The following CCSER1 variants were observed in gnomAD, a reference collection of about 807,000 sequenced individuals.
CCSER1 encodes the protein coiled-coil serine rich protein 1, also known as serine-rich coiled-coil domain-containing protein 1.
CCSER1 carries 41 observed loss-of-function variants against 82.0 expected under a neutral mutation model. That is an observed-to-expected ratio of 0.50 (90% CI 0.39 to 0.65). The LOEUF is 0.65. Ranked by LOEUF, CCSER1 falls within the 30% of genes least tolerant of loss-of-function variation. CCSER1 has a pLI of 0.00. For missense variants in CCSER1, 1,119 were observed against 1,064.2 expected, an observed-to-expected ratio of 1.05 and a Z score of -0.72; for synonymous variants, 414 against 383.9, an observed-to-expected ratio of 1.08 and a Z score of -0.92.
chr4:91,197,040 G>A (rs901937781), intron 10 of CCSER1, among the ~76,000 whole-genome samples: 1 of 152,182 alleles, frequency 6.6e-6, no homozygotes, highest in African/African-American at 2.4e-5. Context: ...TGTGGGATTT[G>A]CTGAAGTTGC....
intron 10 of CCSER1, among the ~76,000 whole-genome samples, chr4:91,531,056 G>C (rs908731591): frequency 6.6e-6 from 1 of 151,932 alleles, no homozygotes; most frequent in Non-Finnish European, 1.5e-5. Context: ...GATGTACTAG[G>C]TACTTTATGA....
chr4:90,181,070 A>G (rs2153385567), intron 1 of CCSER1, among the ~76,000 whole-genome samples: 1 of 152,264 alleles, frequency 6.6e-6, no homozygotes. Flanking sequence ...AAACATTTAG[A>G]AAACTTCCTG....
intron 6 of CCSER1, among the ~76,000 whole-genome samples, chr4:90,684,376 C>A (rs1734433241): frequency 6.6e-6 from 1 of 152,052 alleles, no homozygotes; most frequent in Non-Finnish European, 1.5e-5. Flanking sequence ...AGTATAGTGT[C>A]TGCCATATTA....
At chr4:90,948,662 A>G (rs965814117) in intron 9 of CCSER1, among the ~76,000 whole-genome samples, 3 of 152,050 alleles carry the variant, frequency 2.0e-5, no homozygotes, top group Non-Finnish European at 2.9e-5. Context: ...AAGCATTTAT[A>G]TGCATCATAA....
intron 10 of CCSER1, among the ~76,000 whole-genome samples, chr4:91,503,816 G>A (rs1759347674): frequency 1.3e-5 from 2 of 152,146 alleles, no homozygotes; most frequent in Non-Finnish European, 1.5e-5. Flanking sequence ...ATAACATAAA[G>A]TTCAGTAGTT....
chr4:90,320,362 T>G (rs1736913783), intron 3 of CCSER1, among the ~76,000 whole-genome samples: 1 of 152,228 alleles, frequency 6.6e-6, no homozygotes, highest in Non-Finnish European at 1.5e-5. Context: ...AATATACAGG[T>G]ATTTCTTATG....
At chr4:91,460,127 T>C (rs1398268264) in intron 10 of CCSER1, among the ~76,000 whole-genome samples, 1 of 152,156 alleles carries the variant, frequency 6.6e-6, no homozygotes, top group Non-Finnish European at 1.5e-5. Flanking sequence ...CCAGCTTCCA[T>C]GGAGAGTTGA....
chr4:90,877,953 G>A (rs1720597566), intron 8 of CCSER1, among the ~76,000 whole-genome samples: 1 of 152,062 alleles, frequency 6.6e-6, no homozygotes, highest in Non-Finnish European at 1.5e-5. Context: ...CTAATGGGAG[G>A]AACTTTGGCA....
chr4:91,379,547 T>A (rs186671350), intron 10 of CCSER1, among the ~76,000 whole-genome samples: 1 of 152,324 alleles, frequency 6.6e-6, no homozygotes, highest in African/African-American at 2.4e-5. Context: ...CATAGAGGTG[T>A]TTCTAGTACT....
intron 5 of CCSER1, among the ~76,000 whole-genome samples, chr4:90,596,341 T>C (rs1168888339): frequency 1.3e-5 from 2 of 151,934 alleles, no homozygotes; most frequent in Admixed American, 1.3e-4. Flanking sequence ...TGCTTTTTCA[T>C]GGTCTGTTCA....
chr4:91,311,053 T>C (rs561935734), intron 10 of CCSER1, among the ~76,000 whole-genome samples: 2 of 151,970 alleles, frequency 1.3e-5, no homozygotes, highest in South Asian at 4.1e-4. Context: ...ACTGTAACTA[T>C]TACTTTCTTT....
chr4:90,851,840 C>T (rs551560690), intron 8 of CCSER1, among the ~76,000 whole-genome samples: 2 of 152,244 alleles, frequency 1.3e-5, no homozygotes, highest in Non-Finnish European at 2.9e-5. Flanking sequence ...TTGTACATAA[C>T]TGTGTGGCAT....
chr4:90,762,082 C>T (rs887863008), intron 7 of CCSER1, among the ~76,000 whole-genome samples: 2 of 152,124 alleles, frequency 1.3e-5, no homozygotes, highest in Non-Finnish European at 2.9e-5. Context: ...TTGGCTGTGT[C>T]CCTACCCAAA....
intron 3 of CCSER1, among the ~76,000 whole-genome samples, chr4:90,336,332 G>T (rs1236511479): frequency 6.6e-6 from 1 of 152,200 alleles, no homozygotes; most frequent in Non-Finnish European, 1.5e-5. Flanking sequence ...CACTGATAAT[G>T]TGGAGGAACA....
chr4:90,669,623 A>G (rs985076133), intron 6 of CCSER1, among the ~76,000 whole-genome samples: 2 of 152,132 alleles, frequency 1.3e-5, no homozygotes, highest in African/African-American at 4.8e-5. Context: ...AATAAAAGCA[A>G]CTAACAATTG....
chr4:91,594,551 C>T (rs1764465134), intron 10 of CCSER1, among the ~76,000 whole-genome samples: 1 of 151,254 alleles, frequency 6.6e-6, no homozygotes, highest in Non-Finnish European at 1.5e-5. Context: ...GATCCAAATG[C>T]ATATGCCAAA....
intron 9 of CCSER1, among the ~76,000 whole-genome samples, chr4:91,070,442 G>A (rs1036915282): frequency 2.0e-5 from 3 of 152,036 alleles, no homozygotes; most frequent in African/African-American, 7.2e-5. Context: ...GATAGAATGG[G>A]GACACTGTCC....
chr4:90,756,535 T>A (rs1390902377), intron 7 of CCSER1, among the ~76,000 whole-genome samples: 1 of 152,198 alleles, frequency 6.6e-6, no homozygotes, highest in East Asian at 1.9e-4. Flanking sequence ...AAGCTCACTA[T>A]AGATTTGTGT....
intron 9 of CCSER1, among the ~76,000 whole-genome samples, chr4:90,976,716 A>C (rs1735645117): frequency 6.6e-6 from 1 of 151,542 alleles, no homozygotes; most frequent in Admixed American, 6.6e-5. Context: ...AAATGAAGGA[A>C]ATGTTGCCAA....
Sources: allele counts gnomAD v4.1 joint callset (sites outside exome capture counted in the v4.1 genomes callset), GRCh38; gene constraint gnomAD v4.1.1; transcripts MANE v1.5; gene names NCBI Gene and HGNC (gene_info 2026-07-23, HGNC 2026-07-21).